CSMD3: variants seen among roughly 807,000 people sequenced by gnomAD.
CSMD3 encodes the protein CUB and sushi domain-containing protein 3.
CSMD3 carries 177 observed loss-of-function variants against 435.2 expected under a neutral mutation model. That is an observed-to-expected ratio of 0.41 (90% CI 0.36 to 0.46). The LOEUF (loss-of-function observed/expected upper bound fraction) is 0.46. Ranked by LOEUF, CSMD3 falls within the 20% of genes least tolerant of loss-of-function variation. The pLI, the probability that CSMD3 is intolerant of heterozygous loss-of-function variation, is 0.34. For missense variants in CSMD3, 4,265 were observed against 4,504.6 expected, an observed-to-expected ratio of 0.95 and a Z score of 1.52; for synonymous variants, 1,656 against 1,520.5, an observed-to-expected ratio of 1.09 and a Z score of -2.07.
Position 113,275,605 on chromosome 8 carries a change from A to G in CSMD3, c.514+2987T>C, listed in dbSNP as rs527596248. On this transcript the variant is annotated intron_variant, in intron 3 of 70. Transcript: ENST00000297405. ...TACTAATACACAAGGACAAAGTCTTAGGAAAGTTTTTTAAAAATAGTAAAT... is the reference window on the plus strand; with the variant it reads ...TACTAATACACAAGGACAAAGTCTTGGGAAAGTTTTTTAAAAATAGTAAAT... Among the ~76,000 whole-genome samples, 16 of 152,244 alleles carry G rather than the reference A, an allele frequency of 1.1e-4. No individual in the cohort carries two copies. In the East Asian group the frequency reaches 3.1e-3, roughly 29 times the overall value.
rs184662825 is a variant in CSMD3, at chr8:113,224,128, G to A, written c.515-50212C>T. ...ACACAAAAATTTCCCAAGAAGTCTA[G>A]GTGCTATTCGTTTTTGGTTAAATAG... On this transcript the variant is annotated intron_variant, in intron 3 of 70. Transcript: ENST00000297405. 3.3e-5 allele frequency among the ~76,000 whole-genome samples: 5 copies of A among 151,230 alleles called. No individual in the cohort carries two copies. The East Asian group carries it at 7.8e-4, about 24-fold the overall frequency.
rs1339195430 is a variant in CSMD3, at chr8:113,045,482, A to G, written c.918-26303T>C. 1.3e-5 allele frequency among the ~76,000 whole-genome samples: 2 copies of G among 149,520 alleles called. 1 individual carries two copies. The highest frequency in any genetic ancestry group is 3.0e-5 in the Non-Finnish European group (2 of 66,450). ...AAAAGCAGCTGGTCTATATGCCACT[A>G]AATTCTAATTTTACTCTAGTCTATG... On this transcript the variant is annotated intron_variant, in intron 5 of 70. Transcript: ENST00000297405.
rs781652265 is a variant in CSMD3 at position 112,517,019 on chromosome 8, T to C, written c.4756+15A>G. 6.3e-7 allele frequency: 1 copy of C among 1,596,048 alleles called. No individual in the cohort carries two copies. The highest frequency in any genetic ancestry group is 8.6e-7 in the Non-Finnish European group (1 of 1,164,766). ...TTATGTTTATATAAAATTTTAATTG[T>C]TCTTTAATTCATACCTATACAGACT... On this transcript the variant is annotated intron_variant, in intron 28 of 70. Coordinates refer to ENST00000297405, the MANE Select transcript of CSMD3 (RefSeq NM_198123.2).
intron 22 of CSMD3, among the ~76,000 whole-genome samples, chr8:112,592,985 C>T (rs2131375786): frequency 6.6e-6 from 1 of 152,260 alleles, no homozygotes; most frequent in South Asian, 2.1e-4. Flanking sequence ...AAGAGAATTA[C>T]ATTAAGGCAG....
rs541744734 is a variant in CSMD3 at position 112,547,328 on chromosome 8, G to T, written c.4564+3343C>A. On this transcript the variant is annotated intron_variant, in intron 27 of 70. Transcript: ENST00000297405. The stretch of plus-strand genomic sequence containing the variant: ...TATTAATATATTTGGGGGCGCAAAG[G>T]CACCATAATTAAAATACCATTACCA... Among the ~76,000 whole-genome samples, 4 of 151,908 alleles carry T rather than the reference G, an allele frequency of 2.6e-5. No homozygotes were observed. The South Asian group carries it at 8.3e-4, about 32-fold the overall frequency.
At chr8:113,168,395 C>T (rs2092196247) in intron 4 of CSMD3, among the ~76,000 whole-genome samples, 1 of 151,636 alleles carries the variant, frequency 6.6e-6, no homozygotes, top group African/African-American at 2.4e-5. Flanking sequence ...GTGGCACACG[C>T]CTGTTGTCCC....
At chr8:112,590,853 T>C (rs1318948668) in intron 22 of CSMD3, among the ~76,000 whole-genome samples, 1 of 152,098 alleles carries the variant, frequency 6.6e-6, no homozygotes, top group Admixed American at 6.6e-5. Flanking sequence ...TTCTCTCATG[T>C]CTTGATCCAG....
At chr8:112,840,975 A>T (rs2080163150) in intron 11 of CSMD3, among the ~76,000 whole-genome samples, 1 of 151,618 alleles carries the variant, frequency 6.6e-6, no homozygotes, top group Non-Finnish European at 1.5e-5. Context: ...TAGTAAATTT[A>T]AAAAATATAT....
chr8:112,493,644 T>C (rs540261823), intron 30 of CSMD3, among the ~76,000 whole-genome samples: 1 of 152,122 alleles, frequency 6.6e-6, no homozygotes, highest in Admixed American at 6.5e-5. Context: ...AAAAATAAAA[T>C]CCTTTCAGAG....
At chr8:112,851,767 A>G (rs2080496741) in intron 11 of CSMD3, among the ~76,000 whole-genome samples, 1 of 152,068 alleles carries the variant, frequency 6.6e-6, no homozygotes, top group Non-Finnish European at 1.5e-5. Context: ...CCATCTCAAA[A>G]AAAAAAAAGA....
chr8:112,976,305 T>G (rs2084846795), intron 6 of CSMD3, among the ~76,000 whole-genome samples, 157 bp from the exon 7 acceptor site: 1 of 152,274 alleles, frequency 6.6e-6, no homozygotes, highest in African/African-American at 2.4e-5. Flanking sequence ...TGAAGCGCAC[T>G]AGATCTGTCG....
chr8:112,507,922 T>C (rs1340655027), intron 28 of CSMD3, among the ~76,000 whole-genome samples: 1 of 152,148 alleles, frequency 6.6e-6, no homozygotes, highest in African/African-American at 2.4e-5. Flanking sequence ...TCAGACTTAA[T>C]ATATTCACCA....
intron 13 of CSMD3, among the ~76,000 whole-genome samples, chr8:112,704,603 T>C (rs1413524136): frequency 6.6e-6 from 1 of 152,072 alleles, no homozygotes; most frequent in Non-Finnish European, 1.5e-5. Flanking sequence ...TGGTTGTGAG[T>C]TTCCGAGAGT....
intron 4 of CSMD3, among the ~76,000 whole-genome samples, chr8:113,115,555 TG>T (rs2090796874): frequency 6.6e-6 from 1 of 152,224 alleles, no homozygotes; most frequent in Non-Finnish European, 1.5e-5. Flanking sequence ...GCTGAAAGTA[TG>T]TCCTCTTGAG....
At chr8:112,433,107 T>C (rs769074045) in intron 32 of CSMD3, among the ~76,000 whole-genome samples, 13 of 152,146 alleles carry the variant, frequency 8.5e-5, no homozygotes, top group Non-Finnish European at 1.3e-4. Flanking sequence ...ATTCCAAAAG[T>C]ACAGGCTAAT....
intron 22 of CSMD3, among the ~76,000 whole-genome samples, chr8:112,594,447 G>A (rs1395045532): frequency 6.6e-6 from 1 of 152,096 alleles, no homozygotes; most frequent in African/African-American, 2.4e-5. Context: ...GGGGAGGGGC[G>A]CCCGCCATTG....
At chr8:113,365,719 T>C (rs2094306911) in intron 1 of CSMD3, among the ~76,000 whole-genome samples, 1 of 152,032 alleles carries the variant, frequency 6.6e-6, no homozygotes, top group Non-Finnish European at 1.5e-5. Flanking sequence ...GGTTTCTATC[T>C]GACATATATG....
At chr8:112,722,634 G>C (rs1365438749) in intron 13 of CSMD3, among the ~76,000 whole-genome samples, 2 of 152,038 alleles carry the variant, frequency 1.3e-5, no homozygotes, top group Non-Finnish European at 2.9e-5. Context: ...ATGCCAATGT[G>C]GCAAAATCGT....
chr8:112,587,745 C>A (rs1830852576), intron 22 of CSMD3, among the ~76,000 whole-genome samples: 1 of 151,728 alleles, frequency 6.6e-6, no homozygotes, highest in African/African-American at 2.4e-5. Context: ...ATTACATTAT[C>A]TTTGAAAACT....
Sources: allele counts gnomAD v4.1 joint callset (sites outside exome capture counted in the v4.1 genomes callset), GRCh38; gene constraint gnomAD v4.1.1; transcripts MANE v1.5; gene names NCBI Gene and HGNC (gene_info 2026-07-23, HGNC 2026-07-21).